The following SPOCK3 variants were observed in gnomAD, a reference collection of about 807,000 sequenced individuals.
SPOCK3 encodes testican-3.
SPOCK3 carries 30 observed loss-of-function variants against 56.6 expected under a neutral mutation model. That is an observed-to-expected ratio of 0.53 (90% CI 0.40 to 0.72). The LOEUF (loss-of-function observed/expected upper bound fraction) is 0.72, where lower values mean the gene tolerates loss of function less well. Ranked by LOEUF, SPOCK3 falls within the 30% of genes least tolerant of loss-of-function variation. The pLI is 0.00. For synonymous variants in SPOCK3, 196 were observed against 183.3 expected, an observed-to-expected ratio of 1.07 and a Z score of -0.56; for missense variants, 527 against 530.0, an observed-to-expected ratio of 0.99 and a Z score of 0.06.
intron 2 of SPOCK3, among the ~76,000 whole-genome samples, chr4:167,106,833 C>A (rs1314724725): frequency 6.7e-6 from 1 of 148,980 alleles, no homozygotes; most frequent in Non-Finnish European, 1.5e-5. Context: ...ACAATTGATA[C>A]CACAGAAATT....
intron 2 of SPOCK3, among the ~76,000 whole-genome samples, chr4:167,123,134 G>C (rs1761997102): frequency 6.6e-6 from 1 of 151,864 alleles, no homozygotes; most frequent in East Asian, 1.9e-4. Flanking sequence ...GCATAACATT[G>C]AGTGAGGCAA....
At chr4:167,164,903 T>C (rs1447376132) in intron 2 of SPOCK3, among the ~76,000 whole-genome samples, 1 of 152,158 alleles carries the variant, frequency 6.6e-6, no homozygotes, top group East Asian at 1.9e-4. Flanking sequence ...TAAACATAAG[T>C]GTGCATGTGT....
intron 3 of SPOCK3, among the ~76,000 whole-genome samples, chr4:167,038,102 A>C (rs1229014357): frequency 6.6e-6 from 1 of 152,182 alleles, no homozygotes; most frequent in Non-Finnish European, 1.5e-5. Context: ...ACAGTAGGCT[A>C]CAAAATAGTC....
At chr4:166,978,077 T>C (rs1371062104) in intron 4 of SPOCK3, among the ~76,000 whole-genome samples, 1 of 152,182 alleles carries the variant, frequency 6.6e-6, no homozygotes, top group Non-Finnish European at 1.5e-5. Context: ...TCTGATTTAG[T>C]CTGCCATTAA....
intron 4 of SPOCK3, among the ~76,000 whole-genome samples, chr4:166,991,647 G>A (rs1192740111): frequency 1.3e-5 from 2 of 152,018 alleles, no homozygotes; most frequent in African/African-American, 2.4e-5. Flanking sequence ...TGGGATTACA[G>A]GCATGAGCCA....
At chr4:167,083,090 C>A (rs1757870494) in intron 2 of SPOCK3, 2 of 719,320 alleles carry the variant, frequency 2.8e-6, no homozygotes, top group South Asian at 1.5e-5. Flanking sequence ...ACCAAAGAGC[C>A]CCCCTCACAC....
intron 3 of SPOCK3, among the ~76,000 whole-genome samples, chr4:167,011,979 A>G (rs1750117387): frequency 2.0e-5 from 3 of 151,686 alleles, no homozygotes; most frequent in African/African-American, 7.3e-5. Context: ...ATAATTTTCT[A>G]CTCTCCATTC....
intron 6 of SPOCK3, among the ~76,000 whole-genome samples, chr4:166,817,548 T>A (rs1306259426): frequency 6.6e-6 from 1 of 151,914 alleles, no homozygotes; most frequent in Non-Finnish European, 1.5e-5. Context: ...CAAAATTGGG[T>A]GAAAAGTAGA....
chr4:167,096,645 A>C (rs144953999), intron 2 of SPOCK3, among the ~76,000 whole-genome samples: 43 of 151,846 alleles, frequency 2.8e-4, no homozygotes, highest in African/African-American at 1.0e-3. Context: ...TATTTTTTAA[A>C]TGTATGATAA....
At chr4:166,990,262 T>C (rs953134407) in intron 4 of SPOCK3, among the ~76,000 whole-genome samples, 12 of 152,192 alleles carry the variant, frequency 7.9e-5, no homozygotes, top group Admixed American at 2.0e-4. Flanking sequence ...AGGACAGAAA[T>C]AAATAAGAAG....
chr4:167,170,598 A>C (rs1276144505), intron 2 of SPOCK3, among the ~76,000 whole-genome samples: 6 of 152,178 alleles, frequency 3.9e-5, no homozygotes, highest in African/African-American at 1.4e-4. Flanking sequence ...CACGAGTCAT[A>C]ATATCCTGCC....
intron 2 of SPOCK3, among the ~76,000 whole-genome samples, chr4:167,216,964 C>T (rs1735424608): frequency 6.6e-6 from 1 of 151,752 alleles, no homozygotes; most frequent in Non-Finnish European, 1.5e-5. Flanking sequence ...CAGAGAAATC[C>T]TAAAATAAAT....
intron 5 of SPOCK3, among the ~76,000 whole-genome samples, chr4:166,891,075 C>T (rs1306361189): frequency 1.3e-5 from 2 of 151,716 alleles, no homozygotes; most frequent in East Asian, 3.9e-4. Flanking sequence ...GGATTGCAAC[C>T]CCTTCTTTTT....
chr4:166,843,082 A>G (rs1361268535), intron 6 of SPOCK3, among the ~76,000 whole-genome samples: 1 of 152,152 alleles, frequency 6.6e-6, no homozygotes, highest in Non-Finnish European at 1.5e-5. Flanking sequence ...TAAGCCCCTC[A>G]CTGCCTAGGA....
intron 4 of SPOCK3, among the ~76,000 whole-genome samples, chr4:166,929,449 G>A (rs906497716): frequency 2.0e-5 from 3 of 152,128 alleles, no homozygotes; most frequent in Admixed American, 2.0e-4. Flanking sequence ...GTAGATCAAT[G>A]TTATTAAACT....
chr4:167,046,784 A>G (rs1248107429), intron 3 of SPOCK3, among the ~76,000 whole-genome samples: 14 of 151,854 alleles, frequency 9.2e-5, no homozygotes, highest in Admixed American at 9.2e-4. Flanking sequence ...TATTTTTAAA[A>G]CTCAATTTAT....
At chr4:167,079,959 T>C (rs936174339) in intron 2 of SPOCK3, among the ~76,000 whole-genome samples, 3 of 151,982 alleles carry the variant, frequency 2.0e-5, no homozygotes, top group Admixed American at 1.3e-4. Flanking sequence ...ATTTAGACAG[T>C]TGAAAAAGCA....
chr4:166,752,573 T>TATACAC (rs1199477545), intron 8 of SPOCK3, among the ~76,000 whole-genome samples: 1 of 28,898 alleles, frequency 3.5e-5, no homozygotes, highest in African/African-American at 1.5e-4. Context: ...TATATATATA[T>TATACAC]ACACACACAC....
intron 6 of SPOCK3, among the ~76,000 whole-genome samples, chr4:166,823,854 A>C (rs540259535): frequency 1.3e-5 from 2 of 152,092 alleles, no homozygotes; most frequent in African/African-American, 2.4e-5. Flanking sequence ...ACTCAAATTT[A>C]TAAACATCCC....
Sources: gnomAD v4.1 joint callset for allele counts (sites outside exome capture counted in the v4.1 genomes callset) on GRCh38, gnomAD v4.1.1 for gene constraint, MANE v1.5 for transcripts, NCBI Gene and HGNC (gene_info 2026-07-23, HGNC 2026-07-21) for gene names.